SCFD2: variants seen among roughly 807,000 people sequenced by gnomAD.
SCFD2 encodes sec1 family domain containing 2.
Under a neutral mutation model 58.9 loss-of-function variants are expected in SCFD2, and 54 were observed. That is an observed-to-expected ratio of 0.92 (90% CI 0.74 to 1.15). The LOEUF (loss-of-function observed/expected upper bound fraction) is 1.15, where lower values mean the gene tolerates loss of function less well. Ranked by LOEUF, SCFD2 falls within the 50% of genes most tolerant of loss-of-function variation. The pLI is 0.00. For missense variants in SCFD2, 805 were observed against 836.6 expected (o/e 0.96, Z 0.47); for synonymous variants, 321 against 335.9 (o/e 0.96, Z 0.49).
At chr4:53,274,048 C>G (rs200067878) in intron 3 of SCFD2, 47 bp from the exon 4 acceptor site, 1 of 1,483,012 alleles carries the variant, frequency 6.7e-7, no homozygotes, top group Admixed American at 2.0e-5. Flanking sequence ...GGGAATAGTA[C>G]AAATAATGAG....
At chr4:53,102,714 C>G (rs1181962527) in intron 5 of SCFD2, among the ~76,000 whole-genome samples, 1 of 151,924 alleles carries the variant, frequency 6.6e-6, no homozygotes, top group Non-Finnish European at 1.5e-5. Flanking sequence ...AAAACAAAAG[C>G]TTGTTGGTGA....
intron 2 of SCFD2, among the ~76,000 whole-genome samples, chr4:53,347,233 A>G (rs1416230962): frequency 6.6e-6 from 1 of 152,220 alleles, no homozygotes; most frequent in East Asian, 1.9e-4. Flanking sequence ...CAGAGTCTAG[A>G]GATCCCCATG....
intron 5 of SCFD2, among the ~76,000 whole-genome samples, chr4:52,922,059 C>T (rs1046046596): frequency 9.2e-5 from 14 of 152,180 alleles, no homozygotes; most frequent in African/African-American, 2.4e-4. Context: ...CTTCCTCCCC[C>T]GTCTCACCTC....
chr4:53,188,408 C>T (rs1358854395), intron 4 of SCFD2, among the ~76,000 whole-genome samples: 3 of 147,596 alleles, frequency 2.0e-5, no homozygotes, highest in Non-Finnish European at 4.5e-5. Flanking sequence ...AGTCCTCACA[C>T]TTCAAAACTG....
intron 4 of SCFD2, among the ~76,000 whole-genome samples, chr4:53,248,734 A>T (rs1433321790): frequency 6.6e-6 from 1 of 152,232 alleles, no homozygotes; most frequent in Non-Finnish European, 1.5e-5. Flanking sequence ...ACAGACCTGC[A>T]GCTGAGGGTC....
intron 3 of SCFD2, among the ~76,000 whole-genome samples, chr4:53,302,937 C>T (rs375600684): frequency 2.6e-5 from 4 of 152,204 alleles, no homozygotes; most frequent in African/African-American, 4.8e-5. Context: ...TTACACCTTA[C>T]ACAAAAATTA....
chr4:53,189,898 C>T (rs1285391521), intron 4 of SCFD2, among the ~76,000 whole-genome samples: 4 of 152,134 alleles, frequency 2.6e-5, no homozygotes, highest in African/African-American at 7.2e-5. Context: ...TAACCCAGTG[C>T]CTAGAACACA....
chr4:53,030,828 G>A (rs1722598529), intron 5 of SCFD2, among the ~76,000 whole-genome samples: 1 of 152,126 alleles, frequency 6.6e-6, no homozygotes, highest in East Asian at 1.9e-4. Context: ...ACATATAAAA[G>A]CCAATACATG....
intron 6 of SCFD2, among the ~76,000 whole-genome samples, chr4:52,908,851 C>G (rs1415360951): frequency 6.6e-6 from 1 of 152,156 alleles, no homozygotes; most frequent in Non-Finnish European, 1.5e-5. Context: ...CCTTTTTATG[C>G]TTATTAGTCA....
At chr4:52,913,980 C>T (rs1235922600) in intron 6 of SCFD2, among the ~76,000 whole-genome samples, 2 of 152,196 alleles carry the variant, frequency 1.3e-5, no homozygotes, top group East Asian at 1.9e-4. Flanking sequence ...ATGGTCTCTG[C>T]CATAGACACA....
rs1374692023 is a variant in SCFD2, at chr4:52,948,498, A to G, written c.1562-27628T>C. 3 of 456,552 alleles carry G rather than the reference A, an allele frequency of 6.6e-6. No individual in the cohort carries two copies. The East Asian group carries it at 2.1e-4, about 32-fold the overall frequency. The allele number at this position is 456,552 out of a possible 1,614,324, so 28.3% of individuals were successfully genotyped here. On this transcript the variant is annotated intron_variant, in intron 5 of 8. Transcript: ENST00000401642. ...CTACAGTGACCTTCAGGTTATCTTG[A>G]AGATGCCAATGAGCTAGTGAAAATG...
At chr4:52,941,310 T>G (rs1395350529) in intron 5 of SCFD2, among the ~76,000 whole-genome samples, 1 of 152,282 alleles carries the variant, frequency 6.6e-6, no homozygotes, top group Non-Finnish European at 1.5e-5. Flanking sequence ...CAAATAGATA[T>G]GTAAGTAAAT....
chr4:53,239,839 G>A (rs1729840168), intron 4 of SCFD2, among the ~76,000 whole-genome samples: 1 of 152,106 alleles, frequency 6.6e-6, no homozygotes, highest in Non-Finnish European at 1.5e-5. Context: ...GCTAAATTAA[G>A]ACATTCTCGA....
chr4:53,097,908 G>A (rs1724707013), intron 5 of SCFD2, among the ~76,000 whole-genome samples: 1 of 152,168 alleles, frequency 6.6e-6, no homozygotes, highest in Non-Finnish European at 1.5e-5. Flanking sequence ...TTAATTTATT[G>A]AGAGTTGTTA....
intron 5 of SCFD2, among the ~76,000 whole-genome samples, chr4:53,126,663 T>A (rs1250415719): frequency 5.3e-4 from 81 of 152,258 alleles, no homozygotes; most frequent in Non-Finnish European, 1.3e-4. Context: ...TTACCTTCCT[T>A]CTTAAAACTG....
chr4:53,064,669 G>T (rs1433311869), intron 5 of SCFD2, among the ~76,000 whole-genome samples: 2 of 152,100 alleles, frequency 1.3e-5, no homozygotes, highest in African/African-American at 4.8e-5. Flanking sequence ...ACTTTCAGAG[G>T]TACCCTAAGG....
intron 5 of SCFD2, among the ~76,000 whole-genome samples, chr4:52,951,779 G>A (rs574385723): frequency 1.3e-5 from 2 of 152,290 alleles, no homozygotes; most frequent in Admixed American, 1.3e-4. Flanking sequence ...CCATCAGCCT[G>A]GATCTTTGAG....
At chr4:53,013,000 C>G (rs1228202090) in intron 5 of SCFD2, among the ~76,000 whole-genome samples, 2 of 152,138 alleles carry the variant, frequency 1.3e-5, no homozygotes, top group Non-Finnish European at 2.9e-5. Context: ...ACCACACTTC[C>G]ACTGTTACAT....
In SCFD2 at chr4:53,164,180, G is replaced by A. The variant is rs192684763; in HGVS notation, c.1312-18598C>T. On this transcript the variant is annotated intron_variant, in intron 4 of 8. Transcript: ENST00000401642. Reference sequence around the variant, plus strand: ...TACTATTTTATTACCTTCCCCAAAAGGATGCTTCTATTTATTTAGAGAGAG... The same window carrying A: ...TACTATTTTATTACCTTCCCCAAAAAGATGCTTCTATTTATTTAGAGAGAG... Among the ~76,000 whole-genome samples, 1,335 of 152,134 alleles carry A rather than the reference G, an allele frequency of 8.8e-3. 12 individuals are homozygous for A. The highest frequency in any genetic ancestry group is 0.048 in the Middle Eastern group (14 of 294).
Sources: gnomAD v4.1 joint callset for allele counts (sites outside exome capture counted in the v4.1 genomes callset) on GRCh38, gnomAD v4.1.1 for gene constraint, MANE v1.5 for transcripts, NCBI Gene and HGNC (gene_info 2026-07-23, HGNC 2026-07-21) for gene names.